SCAF11: variants seen among roughly 807,000 people sequenced by gnomAD.
The protein encoded by SCAF11 is SR-related CTD associated factor 11.
Under a neutral mutation model 140.5 loss-of-function variants are expected in SCAF11, and 47 were observed. The observed-to-expected ratio is 0.33, with a 90% confidence interval of 0.26 to 0.43. The LOEUF is 0.43. Ranked by LOEUF, SCAF11 falls within the 20% of genes least tolerant of loss-of-function variation. SCAF11 has a pLI of 1.00. For missense variants in SCAF11, 1,645 were observed against 1,705.1 expected (o/e 0.96, Z 0.62); for synonymous variants, 557 against 579.4 (o/e 0.96, Z 0.55).
chr12:45,986,446 C>T (rs995526094), intron 1 of SCAF11, among the ~76,000 whole-genome samples: 2 of 152,162 alleles, frequency 1.3e-5, no homozygotes, highest in African/African-American at 4.8e-5. Flanking sequence ...TTCAAGCTAT[C>T]CTCATCTCTC....
At chr12:45,956,186 A>G in intron 3 of SCAF11, 1 of 716,618 alleles carries the variant, frequency 1.4e-6, no homozygotes, top group Non-Finnish European at 2.6e-6. Context: ...GCTTATAGAT[A>G]GCTCCTCTTA....
chr12:45,981,913 A>C (rs1302980790), intron 1 of SCAF11, among the ~76,000 whole-genome samples: 1 of 152,238 alleles, frequency 6.6e-6, no homozygotes, highest in Non-Finnish European at 1.5e-5. Context: ...ATTTTAAAGA[A>C]AGACTGAATT....
chr12:45,977,325 A>G (rs1946257458), intron 1 of SCAF11, among the ~76,000 whole-genome samples: 1 of 152,166 alleles, frequency 6.6e-6, no homozygotes, highest in African/African-American at 2.4e-5. Flanking sequence ...AAGGCATTCT[A>G]TTTTGTGAAA....
In SCAF11 at chr12:45,933,269, C is replaced by CA. The variant is rs1213320694; in HGVS notation, c.633-38dup. The CA allele has an allele frequency of 2.8e-6, 4 of 1,451,114 alleles. No homozygotes were observed. In the Admixed American group the frequency reaches 5.3e-5, roughly 19 times the overall value. The allele number at this position is 1,451,114 out of a possible 1,614,324, so 89.9% of individuals were successfully genotyped here. On this transcript the variant is annotated intron_variant, in intron 8 of 14. Transcript: ENST00000369367. ...ATTTTAGACCTTCATCAGAATCTCA[C>CA]AATTTTAGGTTCAAAAAAACAATTA...
intron 1 of SCAF11, among the ~76,000 whole-genome samples, chr12:45,972,103 A>C (rs1280586293): frequency 2.0e-5 from 3 of 152,184 alleles, no homozygotes; most frequent in Admixed American, 2.0e-4. Context: ...CCGACTCTGA[A>C]AACTGAAATA....
chr12:45,925,193 T>G, intron 11 of SCAF11, 119 bp from the exon 12 acceptor site: 1 of 671,618 alleles, frequency 1.5e-6, no homozygotes, highest in South Asian at 2.0e-5. Flanking sequence ...AGTATACCAA[T>G]ACCAATCTCC....
chr12:45,958,713 G>A (rs1223639383), intron 3 of SCAF11, among the ~76,000 whole-genome samples: 3 of 152,134 alleles, frequency 2.0e-5, no homozygotes, highest in African/African-American at 7.2e-5. Flanking sequence ...TAGGCTATGG[G>A]CCATGAAGGC....
chr12:45,920,337 G>GTTTCT lies in SCAF11; in HGVS notation c.*1710_*1711insAGAAA, dbSNP rs1944678188. 1 of 152,156 alleles carries GTTTCT rather than the reference G, an allele frequency of 6.6e-6. No homozygotes were observed. The highest frequency in any genetic ancestry group is 1.5e-5 in the Non-Finnish European group (1 of 68,008). 9.4% of individuals were successfully genotyped at this position (152,156 alleles called of 1,614,324 possible). A position where few individuals can be genotyped will look rare whatever the true frequency, so the allele number is the denominator to read the frequency against. ...TGAGAAACAGATAATCTTTACTTTA[G>GTTTCT]AAAAGCACAGTTCTACAGAGTATTG... On this transcript the variant is annotated 3_prime_UTR_variant, in exon 15 of 15. Transcript: ENST00000369367.
chr12:45,948,612 G>T, intron 4 of SCAF11, 75 bp from the exon 5 acceptor site: 1 of 900,536 alleles, frequency 1.1e-6, no homozygotes, highest in Non-Finnish European at 1.7e-6. Context: ...TCCTTGAAAT[G>T]ATTAAAATTA....
intron 5 of SCAF11, among the ~76,000 whole-genome samples, chr12:45,947,343 G>A (rs886115255): frequency 6.6e-6 from 1 of 152,028 alleles, no homozygotes; most frequent in Non-Finnish European, 1.5e-5. Context: ...ATTAAACACC[G>A]CATTTCTAGG....
intron 1 of SCAF11, among the ~76,000 whole-genome samples, chr12:45,973,212 TAA>T (rs1204877081): frequency 2.2e-5 from 3 of 135,978 alleles, no homozygotes; most frequent in Non-Finnish European, 4.8e-5. Context: ...AATAAAAGAG[TAA>T]AGAGTCAGTA....
chr12:45,984,152 T>TA (rs199516827), intron 1 of SCAF11, among the ~76,000 whole-genome samples: 62 of 151,036 alleles, frequency 4.1e-4, no homozygotes, highest in Middle Eastern at 6.8e-3. Context: ...TTTACCTTAA[T>TA]AAAAAGAAAA....
intron 3 of SCAF11, among the ~76,000 whole-genome samples, chr12:45,952,593 T>C (rs11574961): frequency 0.03 from 4,559 of 152,226 alleles, 106 homozygotes; most frequent in Non-Finnish European, 0.042. Flanking sequence ...AAGTCAACAT[T>C]ATCTTGCTTT....
At chr12:45,976,256 C>T (rs550532406) in intron 1 of SCAF11, among the ~76,000 whole-genome samples, 1 of 152,206 alleles carries the variant, frequency 6.6e-6, no homozygotes, top group South Asian at 2.1e-4. Flanking sequence ...AGAGCTACCA[C>T]TAAAAACATT....
At chr12:45,991,295 TG>T, upstream of SCAF11, among the ~76,000 whole-genome samples, 1 of 152,308 alleles carries the variant, frequency 6.6e-6, no homozygotes, top group Middle Eastern at 3.4e-3. Context: ...AGGTGCGCGG[TG>T]GCTCACGCCG....
intron 1 of SCAF11, among the ~76,000 whole-genome samples, chr12:45,971,575 G>A (rs923637406): frequency 3.9e-5 from 6 of 152,110 alleles, no homozygotes; most frequent in Admixed American, 2.6e-4. Context: ...TAGAAAGTAG[G>A]CACTGGTAAC....
intron 1 of SCAF11, among the ~76,000 whole-genome samples, chr12:45,980,144 C>A (rs1946319126): frequency 6.6e-6 from 1 of 152,146 alleles, no homozygotes; most frequent in South Asian, 2.1e-4. Context: ...GAAAAGCCAG[C>A]ATTAAGTAGT....
In SCAF11 at chr12:45,927,429, G is replaced by A. The variant is rs1189725547; in HGVS notation, c.2272C>T (p.Pro758Ser). The change falls in exon 11 of 15, where the codon CCG becomes TCG. Residue 758 changes from proline (P) to serine (S), a missense_variant. Transcript: ENST00000369367. ...TTTTCATCCGCAAGATCAGAAGACG[G>A]CATATTATTTTCAGAACAGTGTGTC... ...SVTHCSENNM[P>S]SSDLADEKVE... The A allele has an allele frequency of 1.9e-6, 3 of 1,613,368 alleles. No homozygotes were observed. The highest frequency in any genetic ancestry group is 1.1e-5 in the South Asian group (1 of 91,012).
intron 4 of SCAF11, among the ~76,000 whole-genome samples, chr12:45,949,184 T>C (rs761200083): frequency 1.3e-5 from 2 of 152,104 alleles, no homozygotes; most frequent in Non-Finnish European, 2.9e-5. Flanking sequence ...ATAGATAAAC[T>C]AGATCTTAAA....
Sources: allele counts gnomAD v4.1 joint callset (sites outside exome capture counted in the v4.1 genomes callset), GRCh38; gene constraint gnomAD v4.1.1; transcripts MANE v1.5; gene names NCBI Gene and HGNC (gene_info 2026-07-23, HGNC 2026-07-21).